RELL1: variants seen among roughly 807,000 people sequenced by gnomAD.
RELL1 encodes RELT-like protein 1.
In RELL1, 10 loss-of-function variants were observed where a neutral mutation model predicts 23.0. That is an observed-to-expected ratio of 0.43 (90% CI 0.27 to 0.74). The LOEUF (loss-of-function observed/expected upper bound fraction) is 0.74, where lower values mean the gene tolerates loss of function less well. RELL1 is among the 30% of genes least tolerant of loss of function. The probability of loss-of-function intolerance (pLI) is 0.19; values close to 1 mark genes in which losing one functional copy is unlikely to be tolerated. For synonymous variants in RELL1, 146 were observed against 146.8 expected, an observed-to-expected ratio of 0.99 and a Z score of 0.04; for missense variants, 315 against 364.4, an observed-to-expected ratio of 0.86 and a Z score of 1.10.
intron 6 of RELL1, among the ~76,000 whole-genome samples, chr4:37,619,622 C>T (rs981683062): frequency 6.6e-6 from 1 of 152,192 alleles, no homozygotes; most frequent in Non-Finnish European, 1.5e-5. Context: ...GGCTGGAATG[C>T]AGTGGCATGA....
chr4:37,669,119 C>A (rs561626422), intron 1 of RELL1, among the ~76,000 whole-genome samples: 3,860 of 132,936 alleles, frequency 0.029, 108 homozygotes, highest in South Asian at 0.044. Flanking sequence ...CTCTGCCCGG[C>A]CGCCCCTACT....
downstream of RELL1, among the ~76,000 whole-genome samples, chr4:37,608,711 A>G (rs529752991): frequency 4.0e-5 from 6 of 151,574 alleles, no homozygotes; most frequent in Non-Finnish European, 8.8e-5. Context: ...AGTGACTGCA[A>G]TCTCTATCTC....
chr4:37,645,674 A>G (rs1392916928), intron 3 of RELL1, among the ~76,000 whole-genome samples: 1 of 152,234 alleles, frequency 6.6e-6, no homozygotes, highest in Non-Finnish European at 1.5e-5. Flanking sequence ...CTCACTAACC[A>G]TGTGAATTTA....
At chr4:37,634,389 A>G (rs1720242210) in intron 5 of RELL1, among the ~76,000 whole-genome samples, 1 of 152,214 alleles carries the variant, frequency 6.6e-6, no homozygotes, top group African/African-American at 2.4e-5. Context: ...CTGGGTGATC[A>G]AGTTCCAGCC....
intron 6 of RELL1, 49 bp downstream of exon 6, chr4:37,631,336 C>A: frequency 1.3e-6 from 2 of 1,562,526 alleles, no homozygotes; most frequent in Non-Finnish European, 1.7e-6. Context: ...AGTACCTTCT[C>A]CTCACCCTGC....
chr4:37,604,900 G>GACACACACAGAC (rs1719141209), intron 6 of RELL1, among the ~76,000 whole-genome samples: 1 of 65,616 alleles, frequency 1.5e-5, no homozygotes, highest in Non-Finnish European at 2.7e-5. Context: ...CACACACACA[G>GACACACACAGAC]ACACACACAC....
At chr4:37,636,123 G>A (rs142090604) in intron 4 of RELL1, among the ~76,000 whole-genome samples, 73 of 152,264 alleles carry the variant, frequency 4.8e-4, no homozygotes, top group African/African-American at 1.7e-3. Context: ...AGGGAGAAGT[G>A]AGGTAACTTG....
intron 6 of RELL1, among the ~76,000 whole-genome samples, chr4:37,599,222 G>A (rs1046577714): frequency 2.0e-4 from 31 of 152,180 alleles, no homozygotes; most frequent in African/African-American, 6.8e-4. Context: ...GCTGCCCAAC[G>A]TGCCGCAAGT....
At chr4:37,604,840 GACACACACAC>G (rs1553871536) in intron 6 of RELL1, among the ~76,000 whole-genome samples, 20 of 37,910 alleles carry the variant, frequency 5.3e-4, no homozygotes, top group Admixed American at 2.9e-3. Flanking sequence ...CATACACACA[GACACACACAC>G]AGACACACAC....
rs1367260831 is a variant in RELL1 at position 37,621,695 on chromosome 4, G to A, written c.*4-8353C>T. The stretch of plus-strand genomic sequence containing the variant: ...ATGTCAAACAGGTGATAGGGATAAA[G>A]AGGAAGAACAGATAAGCTCTCCTTC... On this transcript the variant is annotated intron_variant, in intron 6 of 6. Coordinates refer to ENST00000454158, the MANE Select transcript of RELL1 (RefSeq NM_001085400.2). 5.3e-5 allele frequency among the ~76,000 whole-genome samples: 8 copies of A among 152,270 alleles called. No homozygotes were observed. The South Asian group carries it at 1.0e-3, about 20-fold the overall frequency.
chr4:37,591,005 G>C (rs772842830), exon 7 of RELL1: 1 of 1,599,098 alleles, frequency 6.3e-7, no homozygotes, highest in South Asian at 1.1e-5. Context: ...GATTAGGGGA[G>C]GGGATTTGCA....
At chr4:37,660,633 T>A (rs965123070) in intron 1 of RELL1, among the ~76,000 whole-genome samples, 1 of 152,172 alleles carries the variant, frequency 6.6e-6, no homozygotes, top group African/African-American at 2.4e-5. Context: ...GGAAGTCACA[T>A]CATTTAGAGT....
intron 1 of RELL1, among the ~76,000 whole-genome samples, chr4:37,662,649 T>C (rs1157690612): frequency 6.6e-6 from 1 of 150,726 alleles, no homozygotes; most frequent in African/African-American, 2.4e-5. Context: ...GAGAGAAAAA[T>C]AACTTTGCAG....
At chr4:37,638,622 TG>T (rs1720417486) in intron 3 of RELL1, 118 bp from the exon 4 acceptor site, 1 of 764,596 alleles carries the variant, frequency 1.3e-6, no homozygotes, top group African/African-American at 1.8e-5. Context: ...GATGAAGTCC[TG>T]GGGGCCTAGA....
At chr4:37,625,769 C>T (rs2109250482) in intron 6 of RELL1, among the ~76,000 whole-genome samples, 1 of 151,972 alleles carries the variant, frequency 6.6e-6, no homozygotes, top group East Asian at 1.9e-4. Context: ...ATCCTCACCA[C>T]AAAAAAATGA....
chr4:37,586,661 G>A (rs568827852), downstream of RELL1, among the ~76,000 whole-genome samples: 2 of 152,358 alleles, frequency 1.3e-5, no homozygotes, highest in African/African-American at 4.8e-5. Flanking sequence ...TGTAATCCCA[G>A]CACTTTCAGA....
At chr4:37,619,383 A>G (rs2109241437) in intron 6 of RELL1, among the ~76,000 whole-genome samples, 1 of 148,858 alleles carries the variant, frequency 6.7e-6, no homozygotes, top group South Asian at 2.1e-4. Context: ...GGGTTTCACC[A>G]TATTGGCCAG....
intron 1 of RELL1, among the ~76,000 whole-genome samples, chr4:37,683,893 A>G (rs1010808610): frequency 1.3e-5 from 2 of 151,742 alleles, no homozygotes; most frequent in Non-Finnish European, 2.9e-5. Flanking sequence ...CATCCTGGCT[A>G]ACACGGTGAA....
At chr4:37,592,213 A>C (rs943272714) in intron 6 of RELL1, among the ~76,000 whole-genome samples, 2 of 148,420 alleles carry the variant, frequency 1.3e-5, no homozygotes, top group East Asian at 1.9e-4. Flanking sequence ...CATCTCAAAA[A>C]AAAAAAAAAA....
Sources: gnomAD v4.1 joint callset for allele counts (sites outside exome capture counted in the v4.1 genomes callset) on GRCh38, gnomAD v4.1.1 for gene constraint, MANE v1.5 for transcripts, NCBI Gene and HGNC (gene_info 2026-07-23, HGNC 2026-07-21) for gene names.